The following TMEM120B variants were observed in gnomAD, a reference collection of about 807,000 sequenced individuals.
TMEM120B encodes transmembrane protein 120B.
A neutral mutation model predicts 55.5 loss-of-function variants in TMEM120B; 31 were observed. The ratio of observed to expected loss-of-function variants is 0.56; its 90% CI spans 0.42 to 0.75. TMEM120B has a LOEUF of 0.75. Ranked by LOEUF, TMEM120B falls within the 30% of genes least tolerant of loss-of-function variation. TMEM120B has a pLI of 0.00. For synonymous variants in TMEM120B, 203 were observed against 176.3 expected (o/e 1.15, Z -1.20); for missense variants, 399 against 425.5 (o/e 0.94, Z 0.55).
chr12:121,732,476 G>A (rs994362997), intron 1 of TMEM120B, among the ~76,000 whole-genome samples: 71 of 152,106 alleles, frequency 4.7e-4, no homozygotes, highest in African/African-American at 1.5e-3. Context: ...GAATGACCTC[G>A]TGTATCAGGG....
At position 121,781,595 on chromosome 12, in the gene TMEM120B, A is replaced by T. The variant is rs918346085; in HGVS notation, c.*5873A>T. The T allele has an allele frequency of 9.2e-6, 2 of 216,554 alleles. No homozygotes were observed. The highest frequency in any genetic ancestry group is 4.6e-5 in the African/African-American group (2 of 43,674). 13.4% of individuals were successfully genotyped at this position (216,554 alleles called of 1,614,324 possible). A position where few individuals can be genotyped will look rare whatever the true frequency, so the allele number is the denominator to read the frequency against. ...TAGGGCTGGGGCTGGAGAAACTGCT[A>T]GAGATGATGCCGATAGCCAGTGTGA... On this transcript the variant is annotated 3_prime_UTR_variant, in exon 12 of 12. Transcript: ENST00000449592.
Position 121,778,751 on chromosome 12 carries a change from T to C in TMEM120B, c.*3029T>C, listed in dbSNP as rs1874332737. On this transcript the variant is annotated 3_prime_UTR_variant, in exon 12 of 12. Transcript: ENST00000449592. ...GGGGAACAGTCCACAGAAAACTTGC[T>C]CATGACCACACTGGGAGCCGACTGT... is the stretch of plus-strand genomic sequence containing the variant. 1 of 152,260 alleles carries C rather than the reference T, an allele frequency of 6.6e-6. No individual in the cohort carries two copies. The highest frequency in any genetic ancestry group is 1.5e-5 in the Non-Finnish European group (1 of 68,112). 9.4% of individuals were successfully genotyped at this position (152,260 alleles called of 1,614,324 possible). A position where few individuals can be genotyped will look rare whatever the true frequency, so the allele number is the denominator to read the frequency against.
chr12:121,771,028 C>T (rs983768847), intron 7 of TMEM120B, 56 bp downstream of exon 7: 18 of 1,580,422 alleles, frequency 1.1e-5, no homozygotes, highest in South Asian at 3.4e-5. Context: ...GCCTGGGGCC[C>T]GGGAATGGGG....
intron 1 of TMEM120B, among the ~76,000 whole-genome samples, chr12:121,729,752 T>C (rs1361390395): frequency 2.0e-5 from 3 of 152,106 alleles, no homozygotes; most frequent in Non-Finnish European, 2.9e-5. Flanking sequence ...TGAGCCATGA[T>C]TGTGCCACTG....
chr12:121,718,894 G>GTC (rs959305552), intron 1 of TMEM120B, among the ~76,000 whole-genome samples: 46 of 151,914 alleles, frequency 3.0e-4, no homozygotes, highest in Admixed American at 2.4e-3. Context: ...GTGTGTGGAT[G>GTC]TCTCTCTCTC....
At chr12:121,729,653 A>T (rs1221037343) in intron 1 of TMEM120B, among the ~76,000 whole-genome samples, 1 of 150,290 alleles carries the variant, frequency 6.7e-6, no homozygotes, top group Non-Finnish European at 1.5e-5. Flanking sequence ...AAAAAAAAAA[A>T]GCTGACAGGG....
intron 6 of TMEM120B, among the ~76,000 whole-genome samples, chr12:121,769,668 A>G (rs1873967834): frequency 6.6e-6 from 1 of 151,466 alleles, no homozygotes; most frequent in South Asian, 2.1e-4. Flanking sequence ...GCACCACTGC[A>G]CTCCAGACAG....
intron 1 of TMEM120B, among the ~76,000 whole-genome samples, chr12:121,726,304 G>A (rs1894890394): frequency 6.6e-6 from 1 of 152,082 alleles, no homozygotes; most frequent in Admixed American, 6.6e-5. Context: ...CTTCGGCTGG[G>A]CGCAGTGGCT....
chr12:121,721,487 T>C (rs1298971982), intron 1 of TMEM120B, among the ~76,000 whole-genome samples: 1 of 151,468 alleles, frequency 6.6e-6, no homozygotes, highest in Non-Finnish European at 1.5e-5. Flanking sequence ...TTTTTTTTTT[T>C]CAACCAAGAG....
At position 121,779,396 on chromosome 12, in the gene TMEM120B, C is replaced by T; in HGVS notation, c.*3674C>T. ...CAAGAGTCTAGCCGCAGGCCCCAGACACCATGAGCTGGAGGGTCGGGATGG... is the reference window on the plus strand; with the variant it reads ...CAAGAGTCTAGCCGCAGGCCCCAGATACCATGAGCTGGAGGGTCGGGATGG... On this transcript the variant is annotated 3_prime_UTR_variant, in exon 12 of 12. Transcript: ENST00000449592. 7.8e-7 allele frequency: 1 copy of T among 1,282,042 alleles called. No homozygotes were observed. The highest frequency in any genetic ancestry group is 2.6e-4 in the Middle Eastern group (1 of 3,918). The allele number at this position is 1,282,042 out of a possible 1,614,324, so 79.4% of individuals were successfully genotyped here. A position where few individuals can be genotyped will look rare whatever the true frequency, so the allele number is the denominator to read the frequency against.
In TMEM120B at chr12:121,780,796, AC is replaced by A; in HGVS notation, c.*5078del. The stretch of plus-strand genomic sequence containing the variant: ...CAGCTCCCTGAAAGGCCACTAAGGC[AC>A]CCCAGTTGCAGAGGCCAAAGGTCCG... On this transcript the variant is annotated 3_prime_UTR_variant, in exon 12 of 12. Coordinates refer to ENST00000449592, the MANE Select transcript of TMEM120B (RefSeq NM_001080825.2). The A allele has an allele frequency of 6.6e-7, 1 of 1,505,178 alleles. No homozygotes were observed. The highest frequency in any genetic ancestry group is 1.3e-5 in the South Asian group (1 of 78,392). 93.2% of individuals were successfully genotyped at this position (1,505,178 alleles called of 1,614,324 possible).
At chr12:121,755,314 C>T (rs915356462) in intron 5 of TMEM120B, among the ~76,000 whole-genome samples, 48 of 152,180 alleles carry the variant, frequency 3.2e-4, no homozygotes, top group African/African-American at 1.1e-3. Context: ...GATCCCTGGG[C>T]CTCTCTGTCT....
At chr12:121,772,209 A>G (rs554325688) in intron 8 of TMEM120B, among the ~76,000 whole-genome samples, 1 of 150,242 alleles carries the variant, frequency 6.7e-6, no homozygotes, top group East Asian at 2.0e-4. Flanking sequence ...GCTCACTGCA[A>G]CCTCCGCCTC....
chr12:121,749,850 G>A (rs369828414), intron 3 of TMEM120B, among the ~76,000 whole-genome samples: 5 of 151,012 alleles, frequency 3.3e-5, no homozygotes, highest in South Asian at 2.1e-4. Context: ...AGGTTATAGC[G>A]AGTCCTGATC....
chr12:121,713,968 T>G (rs981881987), intron 1 of TMEM120B, among the ~76,000 whole-genome samples: 4 of 152,114 alleles, frequency 2.6e-5, no homozygotes, highest in African/African-American at 9.7e-5. Context: ...TCAGTTGGCC[T>G]CCTACAGTGT....
chr12:121,732,023 G>A (rs1364006239), intron 1 of TMEM120B, among the ~76,000 whole-genome samples: 2 of 152,286 alleles, frequency 1.3e-5, no homozygotes, highest in Admixed American at 1.3e-4. Flanking sequence ...TGTAGCCCCA[G>A]CTACTCGGGA....
rs541041197 is a variant in TMEM120B at position 121,729,116 on chromosome 12, C to CA, written c.70-14507dup. Among the ~76,000 whole-genome samples the CA allele has an allele frequency of 4.1e-4, 62 of 152,234 alleles. No homozygotes were observed. The East Asian group carries it at 9.3e-3, about 23-fold the overall frequency. On this transcript the variant is annotated intron_variant, in intron 1 of 11. Transcript: ENST00000449592. The stretch of plus-strand genomic sequence containing the variant: ...GAGTGTGGCAGAGGGATGGGTACCG[C>CA]AAAAAACTATGGGGATGTTAACCAG...
At chr12:121,757,152 G>GT (rs1491114813) in intron 5 of TMEM120B, among the ~76,000 whole-genome samples, 2 of 135,892 alleles carry the variant, frequency 1.5e-5, no homozygotes, top group African/African-American at 5.8e-5. Flanking sequence ...GGGGGGGGGG[G>GT]TGTCACTTAT....
chr12:121,766,564 C>A (rs1293648834), intron 6 of TMEM120B, among the ~76,000 whole-genome samples: 1 of 152,188 alleles, frequency 6.6e-6, no homozygotes, highest in Non-Finnish European at 1.5e-5. Context: ...ACACAGACTT[C>A]TGATTGGCCA....
Sources: gnomAD v4.1 joint callset for allele counts (sites outside exome capture counted in the v4.1 genomes callset) on GRCh38, gnomAD v4.1.1 for gene constraint, MANE v1.5 for transcripts, NCBI Gene and HGNC (gene_info 2026-07-23, HGNC 2026-07-21) for gene names.